The following CHD1 variants were observed in gnomAD, a reference collection of about 807,000 sequenced individuals.
The protein encoded by CHD1 is ATP-dependent chromatin remodeler CHD1.
Under a neutral mutation model 224.2 loss-of-function variants are expected in CHD1, and 36 were observed. The observed-to-expected ratio is 0.16, with a 90% confidence interval of 0.12 to 0.21. The LOEUF is 0.21. Among genes scored for constraint, CHD1 ranks in the 10% least tolerant of loss-of-function variants. The pLI is 1.00. For synonymous variants in CHD1, 668 were observed against 658.3 expected (o/e 1.01, Z -0.23); for missense variants, 1,378 against 1,994.8 (o/e 0.69, Z 5.89).
At chr5:98,880,649 A>C (rs1750107637) in intron 22 of CHD1, among the ~76,000 whole-genome samples, 1 of 152,216 alleles carries the variant, frequency 6.6e-6, no homozygotes, top group Non-Finnish European at 1.5e-5. Context: ...TTAAGTATCA[A>C]TATATAGTAG....
At chr5:98,858,077 G>T in intron 35 of CHD1, 103 bp downstream of exon 35, 1 of 808,640 alleles carries the variant, frequency 1.2e-6, no homozygotes, top group Non-Finnish European at 2.0e-6. Flanking sequence ...GATTTGTTTT[G>T]ACTGCATGAA....
chr5:98,913,371 G>A (rs1489194091), intron 2 of CHD1, among the ~76,000 whole-genome samples: 3 of 152,144 alleles, frequency 2.0e-5, no homozygotes, highest in Non-Finnish European at 4.4e-5. Flanking sequence ...CTACTCGGGA[G>A]GCTGAGGGAG....
At chr5:98,857,741 TTAAG>T (rs1190878876) in intron 35 of CHD1, among the ~76,000 whole-genome samples, 1 of 152,062 alleles carries the variant, frequency 6.6e-6, no homozygotes, top group African/African-American at 2.4e-5. Context: ...ATTGCTGAGG[TTAAG>T]TTTTACCTCA....
intron 32 of CHD1, among the ~76,000 whole-genome samples, chr5:98,862,113 G>T (rs1051732825): frequency 6.6e-6 from 1 of 152,004 alleles, no homozygotes; most frequent in Non-Finnish European, 1.5e-5. Flanking sequence ...GCTGAGATTC[G>T]CCACTGCACT....
rs761056581 is a variant in CHD1 at position 98,856,372 on chromosome 5, A to G, written c.*8T>C. ...GAAAAGTCCAGAAAGACGAAGTATC[A>G]GTTTTTGTTATGTTTTCCGACTACT... is the stretch of plus-strand genomic sequence containing the variant. On this transcript the variant is annotated 3_prime_UTR_variant, in exon 36 of 36. Coordinates refer to ENST00000614616, the MANE Select transcript of CHD1 (RefSeq NM_001270.4). 137 of 1,596,204 alleles carry G rather than the reference A, an allele frequency of 8.6e-5. No homozygotes were observed. Among genetic ancestry groups the G allele is most frequent in the Non-Finnish European group, 1.1e-4 (132 of 1,165,470 alleles).
At chr5:98,913,715 A>T (rs778160650) in intron 2 of CHD1, among the ~76,000 whole-genome samples, 12 of 152,176 alleles carry the variant, frequency 7.9e-5, no homozygotes, top group Admixed American at 1.3e-4. Flanking sequence ...TAAAAAAAGG[A>T]AAAGATGTTA....
chr5:98,913,659 G>A (rs928561145), intron 2 of CHD1, among the ~76,000 whole-genome samples: 2 of 152,164 alleles, frequency 1.3e-5, no homozygotes, highest in Admixed American at 6.5e-5. Context: ...CTGGTTAGAT[G>A]AGCCTCAGGT....
At position 98,854,438 on chromosome 5, in the gene CHD1, G is replaced by A. The variant is rs971172620; in HGVS notation, c.*1942C>T. On this transcript the variant is annotated 3_prime_UTR_variant, in exon 36 of 36. Transcript: ENST00000614616. ...CTTAAGCATTATGAATTAGTCAAAT[G>A]CTATCTTGTGGAATAAAATAGTCAT... 3.9e-5 allele frequency: 6 copies of A among 151,976 alleles called. No individual in the cohort carries two copies. The highest frequency in any genetic ancestry group is 2.6e-4 in the Admixed American group (4 of 15,232). The allele number at this position is 151,976 out of a possible 1,614,324, so 9.4% of individuals were successfully genotyped here. A position where few individuals can be genotyped will look rare whatever the true frequency, so the allele number is the denominator to read the frequency against.
intron 16 of CHD1, among the ~76,000 whole-genome samples, chr5:98,888,602 C>T (rs1750806095): frequency 6.6e-6 from 1 of 152,162 alleles, no homozygotes; most frequent in African/African-American, 2.4e-5. Flanking sequence ...TAAGCAAATG[C>T]ATTCTAATGT....
At chr5:98,927,979 CCTG>C (rs1395518660) in intron 1 of CHD1, among the ~76,000 whole-genome samples, 1 of 152,176 alleles carries the variant, frequency 6.6e-6, no homozygotes, top group Non-Finnish European at 1.5e-5. Context: ...TTGCTTTGCT[CCTG>C]CTAAGTTTTT....
At position 98,881,122 on chromosome 5, in the gene CHD1, T is replaced by C; in HGVS notation, c.3014A>G (p.Glu1005Gly). 1 of 1,611,632 alleles carries C rather than the reference T, an allele frequency of 6.2e-7. No individual in the cohort carries two copies. Among genetic ancestry groups the C allele is most frequent in the Non-Finnish European group, 8.5e-7 (1 of 1,178,702 alleles). ...ILKRAETHEN[E>G]PGPLTVGDEL... ...ATCTCCTACAGTTAAAGGACCTGGT[T>C]CATTTTCATGAGTTTCAGCTCTCTT... The change falls in exon 22 of 36, where the codon GAA becomes GGA. Residue 1005 changes from glutamate to glycine, a missense_variant. By Grantham distance (98) the Glu-to-Gly change is moderately conservative. Transcript: ENST00000614616.
intron 31 of CHD1, among the ~76,000 whole-genome samples, 164 bp downstream of exon 31, chr5:98,868,331 G>GA (rs58475767): frequency 0.026 from 2,416 of 91,720 alleles, 64 homozygotes; most frequent in Middle Eastern, 0.1. Flanking sequence ...ACTCAAAAAA[G>GA]AAAAAAAAAA....
At chr5:98,860,318 A>G (rs912777035) in intron 32 of CHD1, 1 of 415,392 alleles carries the variant, frequency 2.4e-6, no homozygotes, top group Non-Finnish European at 4.5e-6. Flanking sequence ...TTTAGGGTGA[A>G]AAGCAGTACA....
At chr5:98,864,053 G>GTGGC (rs1283513471) in intron 31 of CHD1, among the ~76,000 whole-genome samples, 4 of 152,140 alleles carry the variant, frequency 2.6e-5, no homozygotes, top group African/African-American at 9.7e-5. Flanking sequence ...ATAACAGAAG[G>GTGGC]TGGCAATAAT....
intron 18 of CHD1, 35 bp downstream of exon 18, chr5:98,885,543 A>G: frequency 7.7e-7 from 1 of 1,292,806 alleles, no homozygotes; most frequent in South Asian, 1.3e-5. Context: ...TACTAAATCA[A>G]AATTATTTAT....
At chr5:98,874,189 A>G (rs1430763561) in intron 25 of CHD1, among the ~76,000 whole-genome samples, 3 of 152,168 alleles carry the variant, frequency 2.0e-5, no homozygotes, top group Non-Finnish European at 4.4e-5. Context: ...AAAACAAAAT[A>G]TATCTATTTT....
At chr5:98,927,391 A>G (rs1329678478) in intron 1 of CHD1, among the ~76,000 whole-genome samples, 2 of 152,178 alleles carry the variant, frequency 1.3e-5, no homozygotes, top group African/African-American at 4.8e-5. Flanking sequence ...CCAGCCAGAA[A>G]GTACCGAGAC....
At chr5:98,874,704 T>A (rs1024857954) in intron 25 of CHD1, among the ~76,000 whole-genome samples, 4 of 149,658 alleles carry the variant, frequency 2.7e-5, no homozygotes, top group Admixed American at 6.7e-5. Context: ...AGTGAGAGAC[T>A]CCATTTAAAA....
chr5:98,919,330 A>G (rs1752945063), intron 2 of CHD1, among the ~76,000 whole-genome samples: 1 of 152,226 alleles, frequency 6.6e-6, no homozygotes, highest in Non-Finnish European at 1.5e-5. Flanking sequence ...TATGATGATG[A>G]TCACAGGATG....
Sources: gnomAD v4.1 joint callset for allele counts (sites outside exome capture counted in the v4.1 genomes callset) on GRCh38, gnomAD v4.1.1 for gene constraint, MANE v1.5 for transcripts, NCBI Gene and HGNC (gene_info 2026-07-23, HGNC 2026-07-21) for gene names.